Variants in MCF2L2 observed in about 807,000 individuals in gnomAD.
The protein encoded by MCF2L2 is probable guanine nucleotide exchange factor MCF2L2.
Under a neutral mutation model 150.2 loss-of-function variants are expected in MCF2L2, and 102 were observed. The observed-to-expected ratio is 0.68, with a 90% confidence interval of 0.58 to 0.80. The LOEUF (loss-of-function observed/expected upper bound fraction) is 0.80. MCF2L2 is among the 30% of genes least tolerant of loss of function. MCF2L2 has a pLI of 0.00. For missense variants in MCF2L2, 1,256 were observed against 1,372.8 expected (o/e 0.91, Z 1.34); for synonymous variants, 465 against 491.3 (o/e 0.95, Z 0.71).
intron 1 of MCF2L2, among the ~76,000 whole-genome samples, chr3:183,406,905 C>T (rs959588625): frequency 6.6e-6 from 1 of 152,176 alleles, no homozygotes; most frequent in African/African-American, 2.4e-5. Context: ...TCAAATTTCT[C>T]TTATGAACCA....
At chr3:183,203,918 T>A (rs914615129) in intron 25 of MCF2L2, among the ~76,000 whole-genome samples, 3 of 152,192 alleles carry the variant, frequency 2.0e-5, no homozygotes, top group African/African-American at 7.2e-5. Context: ...GGCAATGGGA[T>A]GACATATTCA....
At chr3:183,238,603 T>C (rs1723852980) in intron 15 of MCF2L2, among the ~76,000 whole-genome samples, 1 of 150,998 alleles carries the variant, frequency 6.6e-6, no homozygotes, top group South Asian at 2.1e-4. Context: ...AGTGTTAATG[T>C]ATTTTATGTG....
intron 21 of MCF2L2, among the ~76,000 whole-genome samples, 162 bp downstream of exon 21, chr3:183,219,694 A>AT (rs1398228474): frequency 1.3e-5 from 2 of 151,940 alleles, no homozygotes; most frequent in Non-Finnish European, 2.9e-5. Flanking sequence ...ATTGCCTTTA[A>AT]TTTTTTTGTT....
rs917253420 is a variant in MCF2L2, at chr3:183,267,744, G to A, written c.1862+9128C>T. Among the ~76,000 whole-genome samples, 2 of 152,212 alleles carry A rather than the reference G, an allele frequency of 1.3e-5. No individual in the cohort carries two copies. Among genetic ancestry groups the A allele is most frequent in the Non-Finnish European group, 2.9e-5 (2 of 68,028 alleles). Reference sequence around the variant, plus strand: ...GGGACAGAATTCTTGAGGAAGGAGGGTGCTGCGTCCCAGTGGTGGAGGAAA... The same window carrying A: ...GGGACAGAATTCTTGAGGAAGGAGGATGCTGCGTCCCAGTGGTGGAGGAAA... On this transcript the variant is annotated intron_variant, in intron 15 of 29. Coordinates refer to ENST00000328913, the MANE Select transcript of MCF2L2 (RefSeq NM_015078.4). The surrounding 1 kb of genome is among the most constrained non-coding windows in gnomAD (Gnocchi z 5.5).
chr3:183,308,190 T>C (rs1729192608), intron 10 of MCF2L2, among the ~76,000 whole-genome samples: 3 of 152,214 alleles, frequency 2.0e-5, no homozygotes, highest in Admixed American at 2.0e-4. Context: ...ACTGTCTGGC[T>C]CACCGCTGCA....
intron 1 of MCF2L2, among the ~76,000 whole-genome samples, chr3:183,399,658 AC>A (rs1269985321): frequency 4.6e-5 from 7 of 152,232 alleles, no homozygotes; most frequent in Admixed American, 1.3e-4. Context: ...CATGCATCTA[AC>A]ATGAAGCCTT....
chr3:183,230,544 G>A (rs78767898), intron 16 of MCF2L2, among the ~76,000 whole-genome samples: 91 of 151,966 alleles, frequency 6.0e-4, no homozygotes, highest in Non-Finnish European at 9.4e-4. Context: ...ATAAATAATC[G>A]CGTACATATA....
intron 1 of MCF2L2, among the ~76,000 whole-genome samples, chr3:183,409,785 A>G (rs1291225364): frequency 2.0e-5 from 3 of 151,966 alleles, no homozygotes; most frequent in Non-Finnish European, 1.5e-5. Flanking sequence ...CAAACTCTTA[A>G]CCTCAGGTTA....
intron 14 of MCF2L2, among the ~76,000 whole-genome samples, chr3:183,286,798 C>T (rs2108474858): frequency 6.6e-6 from 1 of 152,350 alleles, no homozygotes; most frequent in South Asian, 2.1e-4. Flanking sequence ...AGCCTCTGTT[C>T]CTACTCTGCT....
chr3:183,363,755 G>C (rs371475753), intron 3 of MCF2L2, among the ~76,000 whole-genome samples: 5 of 152,010 alleles, frequency 3.3e-5, no homozygotes, highest in Non-Finnish European at 5.9e-5. Context: ...TTAAACAGGA[G>C]ATTTTAATAT....
At chr3:183,253,028 C>T (rs1310965801) in intron 15 of MCF2L2, among the ~76,000 whole-genome samples, 2 of 152,224 alleles carry the variant, frequency 1.3e-5, no homozygotes. Flanking sequence ...TTCCAGTTGG[C>T]CATTTGAGTA....
chr3:183,221,093 A>G lies in MCF2L2; in HGVS notation c.2302-1169T>C, dbSNP rs558908446. Among the ~76,000 whole-genome samples, 64 of 152,310 alleles carry G rather than the reference A, an allele frequency of 4.2e-4. No individual in the cohort carries two copies. The East Asian group carries it at 0.011, about 26-fold the overall frequency. On this transcript the variant is annotated intron_variant, in intron 20 of 29. Transcript: ENST00000328913. ...AAATAAGCTCTGCCCCTGGGGATAG[A>G]GAAGGTCCTAGATAGGATTACAAGG...
chr3:183,424,800 A>G (rs1052435084), intron 1 of MCF2L2, among the ~76,000 whole-genome samples: 2 of 152,226 alleles, frequency 1.3e-5, no homozygotes, highest in African/African-American at 4.8e-5. Context: ...GAAATATACT[A>G]AAGACTTATT....
At chr3:183,238,814 G>A (rs568406159) in intron 15 of MCF2L2, among the ~76,000 whole-genome samples, 19 of 150,806 alleles carry the variant, frequency 1.3e-4, no homozygotes, top group South Asian at 2.1e-4. Context: ...TGGCTAACAC[G>A]GTGAAACCCC....
rs1292009635 is a variant in MCF2L2, at chr3:183,296,739, T to A, written c.1497+237A>T. 6.3e-6 allele frequency: 3 copies of A among 478,538 alleles called. No individual in the cohort carries two copies. The Admixed American group carries it at 1.1e-4, about 17-fold the overall frequency. The allele number at this position is 478,538 out of a possible 1,614,324, so 29.6% of individuals were successfully genotyped here. A position where few individuals can be genotyped will look rare whatever the true frequency, so the allele number is the denominator to read the frequency against. On this transcript the variant is annotated intron_variant, in intron 12 of 29. Coordinates refer to ENST00000328913, the MANE Select transcript of MCF2L2 (RefSeq NM_015078.4). Reference sequence around the variant, plus strand: ...AGCACTCAGCACAGCACATGGTACATCAGGAATGCTCATAAGCATTAATAG... The same window carrying A: ...AGCACTCAGCACAGCACATGGTACAACAGGAATGCTCATAAGCATTAATAG...
chr3:183,387,289 A>G (rs1363885148), intron 2 of MCF2L2, among the ~76,000 whole-genome samples: 1 of 152,096 alleles, frequency 6.6e-6, no homozygotes, highest in Non-Finnish European at 1.5e-5. Context: ...AGCAAAGAAA[A>G]AAAGAAGACA....
chr3:183,304,943 C>A (rs1161872657), intron 10 of MCF2L2, among the ~76,000 whole-genome samples: 1 of 152,174 alleles, frequency 6.6e-6, no homozygotes. Flanking sequence ...TGTTCCATAG[C>A]CCAGAATTTA....
intron 15 of MCF2L2, among the ~76,000 whole-genome samples, chr3:183,257,268 A>T (rs1725129588): frequency 6.6e-6 from 1 of 152,140 alleles, no homozygotes; most frequent in Non-Finnish European, 1.5e-5. Context: ...CACAGTATAC[A>T]TCTACTTTTG....
chr3:183,408,374 CAGGCTCCAGA>C (rs1715149478), intron 1 of MCF2L2, among the ~76,000 whole-genome samples: 1 of 152,188 alleles, frequency 6.6e-6, no homozygotes, highest in African/African-American at 2.4e-5. Context: ...CATTAGACCG[CAGGCTCCAGA>C]AGGACATTCC....
Sources: gnomAD v4.1 joint callset for allele counts (sites outside exome capture counted in the v4.1 genomes callset) on GRCh38, gnomAD v4.1.1 for gene constraint, Gnocchi (gnomAD v3.1) non-coding constraint, MANE v1.5 for transcripts, NCBI Gene and HGNC (gene_info 2026-07-23, HGNC 2026-07-21) for gene names.